CNTN4: variants seen among roughly 807,000 people sequenced by gnomAD.
The protein encoded by CNTN4 is contactin 4, also known as contactin-4.
Under a neutral mutation model 122.5 loss-of-function variants are expected in CNTN4, and 77 were observed. That is an observed-to-expected ratio of 0.63 (90% CI 0.52 to 0.76). The LOEUF is 0.76. CNTN4 is among the 30% of genes least tolerant of loss of function. The pLI, the probability that CNTN4 is intolerant of heterozygous loss-of-function variation, is 0.00. For missense variants in CNTN4, 1,256 were observed against 1,259.1 expected (o/e 1.00, Z 0.04); for synonymous variants, 512 against 447.0 (o/e 1.15, Z -1.83).
intron 6 of CNTN4, among the ~76,000 whole-genome samples, chr3:2,753,468 CA>C (rs2090192096): frequency 6.6e-6 from 1 of 152,148 alleles, no homozygotes; most frequent in Non-Finnish European, 1.5e-5. Context: ...CAATGAAGCA[CA>C]GATATTACTT....
intron 4 of CNTN4, among the ~76,000 whole-genome samples, chr3:2,661,378 G>C (rs1186833844): frequency 6.6e-6 from 1 of 152,068 alleles, no homozygotes. Flanking sequence ...AAACATTTCT[G>C]ACTTTCTATA....
At chr3:2,382,369 C>T (rs1437018418) in intron 3 of CNTN4, among the ~76,000 whole-genome samples, 1 of 151,930 alleles carries the variant, frequency 6.6e-6, no homozygotes, top group East Asian at 1.9e-4. Flanking sequence ...CTTGGCCAGG[C>T]TGGTCTTGAA....
intron 4 of CNTN4, among the ~76,000 whole-genome samples, chr3:2,728,480 C>A (rs1399599545): frequency 1.3e-5 from 2 of 152,170 alleles, no homozygotes; most frequent in Non-Finnish European, 2.9e-5. Flanking sequence ...GAAATATGAG[C>A]AGGACACTGA....
chr3:2,823,395 T>A (rs558448134), intron 7 of CNTN4, among the ~76,000 whole-genome samples: 5 of 152,350 alleles, frequency 3.3e-5, no homozygotes, highest in Non-Finnish European at 7.3e-5. Context: ...CAGCAATTAA[T>A]CTGTTTTGAA....
chr3:2,443,818 A>G (rs190394550), intron 3 of CNTN4, among the ~76,000 whole-genome samples: 2 of 152,046 alleles, frequency 1.3e-5, no homozygotes, highest in African/African-American at 4.8e-5. Context: ...TTTTTTTCCC[A>G]TTTACTTAGT....
At chr3:2,760,147 T>C (rs1046092531) in intron 6 of CNTN4, among the ~76,000 whole-genome samples, 7 of 152,220 alleles carry the variant, frequency 4.6e-5, no homozygotes, top group African/African-American at 1.7e-4. Context: ...ATTTTCTTGA[T>C]GGTGTCCTTT....
At chr3:2,824,058 C>G (rs1447633515) in intron 7 of CNTN4, among the ~76,000 whole-genome samples, 1 of 151,766 alleles carries the variant, frequency 6.6e-6, no homozygotes, top group African/African-American at 2.4e-5. Context: ...GGGTTGACAG[C>G]TTGAGAATCT....
chr3:2,834,622 A>T (rs1210514555), intron 7 of CNTN4, among the ~76,000 whole-genome samples: 1 of 152,106 alleles, frequency 6.6e-6, no homozygotes, highest in Non-Finnish European at 1.5e-5. Context: ...TTAACCAGAG[A>T]CTCAAAATAA....
chr3:2,641,774 A>G (rs2150121604), intron 4 of CNTN4, among the ~76,000 whole-genome samples: 1 of 152,318 alleles, frequency 6.6e-6, no homozygotes, highest in Middle Eastern at 3.4e-3. Context: ...GCCAGAGCTG[A>G]TTGATGCCAG....
In CNTN4 at chr3:2,538,624, G is replaced by A. The variant is rs570705250; in HGVS notation, c.-88-32792G>A. Among the ~76,000 whole-genome samples the A allele has an allele frequency of 2.7e-3, 410 of 152,002 alleles. 2 individuals carry two copies. The highest frequency in any genetic ancestry group is 9.3e-3 in the African/African-American group (385 of 41,492). ...TGGTGGTGTAATCTGGTTTACATTT[G>A]AAGCTATTGATTGTACTTGTTAACT... On this transcript the variant is annotated intron_variant, in intron 3 of 24. Transcript: ENST00000418658.
At position 2,677,209 on chromosome 3, in the gene CNTN4, G is replaced by A. The variant is rs930985764; in HGVS notation, c.56-59006G>A. Among the ~76,000 whole-genome samples the A allele has an allele frequency of 3.2e-4, 47 of 148,444 alleles. 1 individual carries two copies. Among genetic ancestry groups the A allele is most frequent in the African/African-American group, 1.1e-3 (43 of 40,336 alleles). Reference sequence around the variant, plus strand: ...TATAGATATATCTCTCTCTATATATGTATATATATATCTATATAGAGAGAT... The same window carrying A: ...TATAGATATATCTCTCTCTATATATATATATATATATCTATATAGAGAGAT... On this transcript the variant is annotated intron_variant, in intron 4 of 24. Coordinates refer to ENST00000418658, the MANE Select transcript of CNTN4 (RefSeq NM_175607.3).
chr3:2,570,354 T>C (rs1357969609), intron 3 of CNTN4, among the ~76,000 whole-genome samples: 5 of 152,034 alleles, frequency 3.3e-5, no homozygotes, highest in Non-Finnish European at 7.4e-5. Context: ...TTAAAAATTT[T>C]CCGTAAAGGT....
At chr3:2,255,031 A>C (rs1261866474) in intron 2 of CNTN4, among the ~76,000 whole-genome samples, 1 of 152,180 alleles carries the variant, frequency 6.6e-6, no homozygotes, top group East Asian at 1.9e-4. Flanking sequence ...CTTAGGTTTA[A>C]GTGTTTAATC....
intron 14 of CNTN4, among the ~76,000 whole-genome samples, chr3:3,012,070 T>C (rs1271974536): frequency 6.6e-6 from 1 of 152,142 alleles, no homozygotes; most frequent in African/African-American, 2.4e-5. Context: ...GGGGCAGAGC[T>C]AAAATTTGCA....
chr3:2,321,267 A>G (rs978458588), intron 2 of CNTN4, among the ~76,000 whole-genome samples: 10 of 152,076 alleles, frequency 6.6e-5, no homozygotes, highest in Non-Finnish European at 1.3e-4. Flanking sequence ...AAAAACTTCA[A>G]CTCAGGAGTC....
At chr3:2,601,426 C>T (rs1305766671) in intron 4 of CNTN4, among the ~76,000 whole-genome samples, 1 of 152,130 alleles carries the variant, frequency 6.6e-6, no homozygotes, top group Non-Finnish European at 1.5e-5. Context: ...ATATGGGTAG[C>T]CAGTTTTCTC....
At chr3:2,811,401 C>T (rs1337198078) in intron 6 of CNTN4, among the ~76,000 whole-genome samples, 4 of 122,888 alleles carry the variant, frequency 3.3e-5, no homozygotes, top group Non-Finnish European at 6.9e-5. Flanking sequence ...GAGCAAGACT[C>T]AGTGTCAAAA....
intron 3 of CNTN4, among the ~76,000 whole-genome samples, chr3:2,345,767 C>T (rs1476043934): frequency 6.6e-6 from 1 of 152,124 alleles, no homozygotes; most frequent in Non-Finnish European, 1.5e-5. Context: ...TATAGTTCCG[C>T]ACCACAACTA....
chr3:2,942,178 A>G (rs1228706320), intron 13 of CNTN4, among the ~76,000 whole-genome samples: 1 of 152,218 alleles, frequency 6.6e-6, no homozygotes, highest in African/African-American at 2.4e-5. Context: ...GAAAGAAATC[A>G]ATGGACTTAC....
Sources: allele counts gnomAD v4.1 joint callset (sites outside exome capture counted in the v4.1 genomes callset), GRCh38; gene constraint gnomAD v4.1.1; transcripts MANE v1.5; gene names NCBI Gene and HGNC (gene_info 2026-07-23, HGNC 2026-07-21).